Variants in CNTN1 observed in about 807,000 individuals in gnomAD.
CNTN1 encodes contactin-1.
Under a neutral mutation model 126.4 loss-of-function variants are expected in CNTN1, and 38 were observed. The ratio of observed to expected loss-of-function variants is 0.30; its 90% CI spans 0.23 to 0.39. The LOEUF is 0.39. Ranked by LOEUF, CNTN1 falls within the 10% of genes least tolerant of loss-of-function variation. The pLI, the probability that CNTN1 is intolerant of heterozygous loss-of-function variation, is 1.00. For missense variants in CNTN1, 1,009 were observed against 1,248.4 expected (o/e 0.81, Z 2.89); for synonymous variants, 413 against 422.6 (o/e 0.98, Z 0.28).
intron 1 of CNTN1, among the ~76,000 whole-genome samples, chr12:40,727,089 T>C (rs1021468222): frequency 6.7e-6 from 1 of 148,794 alleles, no homozygotes; most frequent in African/African-American, 2.5e-5. Context: ...AAATTTCTAA[T>C]AATAAAAAAG....
chr12:40,780,007 G>A (rs1476799357), intron 1 of CNTN1, among the ~76,000 whole-genome samples: 1 of 151,870 alleles, frequency 6.6e-6, no homozygotes, highest in East Asian at 1.9e-4. Flanking sequence ...TTATAGTGAG[G>A]ATTCCTAAGA....
intron 1 of CNTN1, among the ~76,000 whole-genome samples, chr12:40,902,135 C>T (rs73124589): frequency 6.6e-6 from 1 of 152,246 alleles, no homozygotes; most frequent in East Asian, 1.9e-4. Flanking sequence ...CAGAAAATTT[C>T]ATGTATTCGT....
chr12:40,980,651 T>G (rs1947797482), intron 15 of CNTN1, among the ~76,000 whole-genome samples: 1 of 152,104 alleles, frequency 6.6e-6, no homozygotes, highest in African/African-American at 2.4e-5. Flanking sequence ...GAGTCAGAGA[T>G]TACTATATCT....
chr12:41,048,727 T>G (rs1949603039), intron 23 of CNTN1, among the ~76,000 whole-genome samples: 1 of 135,138 alleles, frequency 7.4e-6, no homozygotes, highest in South Asian at 2.4e-4. Flanking sequence ...AGGAAAAAAA[T>G]GAAGGAAGGA....
intron 1 of CNTN1, among the ~76,000 whole-genome samples, chr12:40,721,115 TCTC>T (rs1288068116): frequency 3.9e-5 from 6 of 152,102 alleles, no homozygotes; most frequent in African/African-American, 1.4e-4. Context: ...TGAATCTCTC[TCTC>T]CTCTTTCGGA....
chr12:41,057,226 ATTATAAATATTTAGATATTAT>A (rs1949845691), intron 23 of CNTN1, among the ~76,000 whole-genome samples: 1 of 145,808 alleles, frequency 6.9e-6, no homozygotes. Flanking sequence ...TATAAATATT[ATTATAAATATTTAGATATTAT>A]TTATAAATAT....
intron 1 of CNTN1, among the ~76,000 whole-genome samples, chr12:40,861,894 C>T (rs1429253483): frequency 6.6e-6 from 1 of 152,012 alleles, no homozygotes; most frequent in Non-Finnish European, 1.5e-5. Flanking sequence ...ATGTCTTAAA[C>T]CTCACAACAT....
intron 17 of CNTN1, 88 bp downstream of exon 17, chr12:40,993,357 G>A: frequency 8.9e-7 from 1 of 1,126,962 alleles, no homozygotes; most frequent in Non-Finnish European, 1.3e-6. Context: ...TGAAAATAAT[G>A]CTCTGAGGTA....
Position 41,022,994 on chromosome 12 carries a change from G to T in CNTN1, c.2524-2156G>T, listed in dbSNP as rs117883153. Among the ~76,000 whole-genome samples the T allele has an allele frequency of 9.5e-3, 1,449 of 152,114 alleles. 14 individuals are homozygous for T. Among genetic ancestry groups the T allele is most frequent in the Non-Finnish European group, 0.016 (1,083 of 67,988 alleles). ...AAAAATCCATATTATTTATTGTTCT[G>T]CAGGAAATGCTCCTGTGACTGTGGC... On this transcript the variant is annotated intron_variant, in intron 20 of 23. Coordinates refer to ENST00000551295, the MANE Select transcript of CNTN1 (RefSeq NM_001843.4).
intron 1 of CNTN1, among the ~76,000 whole-genome samples, chr12:40,734,793 G>A (rs200700127): frequency 0.015 from 2,273 of 152,092 alleles, 22 homozygotes; most frequent in African/African-American, 0.026. Context: ...AGATGAAATT[G>A]CCCATTGTAT....
intron 7 of CNTN1, among the ~76,000 whole-genome samples, chr12:40,932,697 T>C (rs148313765): frequency 2.3e-4 from 35 of 152,030 alleles, no homozygotes; most frequent in African/African-American, 8.4e-4. Context: ...TGCCTCAGAG[T>C]GCTATAGCCC....
chr12:40,767,522 A>T (rs1351295728), intron 1 of CNTN1, among the ~76,000 whole-genome samples: 3 of 151,900 alleles, frequency 2.0e-5, no homozygotes. Flanking sequence ...GTTAGCCAGG[A>T]TGATCTCGAT....
chr12:40,812,889 A>G (rs902126168), intron 1 of CNTN1, among the ~76,000 whole-genome samples: 1 of 146,886 alleles, frequency 6.8e-6, no homozygotes, highest in Non-Finnish European at 1.5e-5. Flanking sequence ...AATTTAATCC[A>G]TTTGCATTCA....
chr12:41,065,794 G>C (rs1259999418), intron 23 of CNTN1, among the ~76,000 whole-genome samples: 1 of 152,200 alleles, frequency 6.6e-6, no homozygotes, highest in Non-Finnish European at 1.5e-5. Flanking sequence ...GCAGCTCTGT[G>C]ATCTTGGTAG....
rs1267866047 is a variant in CNTN1 at position 40,947,776 on chromosome 12, TATATATACACACAC to T, written c.1683+3608_1683+3621del. 2.0e-3 allele frequency among the ~76,000 whole-genome samples: 179 copies of T among 89,638 alleles called. 3 individuals carry two copies. Among genetic ancestry groups the T allele is most frequent in the Admixed American group, 7.5e-3 (59 of 7,880 alleles). 58.8% of individuals were successfully genotyped at this position (89,638 alleles called of 152,430 possible). On this transcript the variant is annotated intron_variant, in intron 14 of 23. Transcript: ENST00000551295. The stretch of plus-strand genomic sequence containing the variant: ...ATTGTCACTATTTCATATATATATA[TATATATACACACAC>T]ACACACACACACACACACACACACA...
chr12:40,933,595 A>C lies in CNTN1; in HGVS notation c.803+35A>C, dbSNP rs773699933. 31 of 1,521,914 alleles carry C rather than the reference A, an allele frequency of 2.0e-5. 1 individual carries two copies. In the South Asian group the frequency reaches 3.5e-4, roughly 17 times the overall value. The allele number at this position is 1,521,914 out of a possible 1,614,324, so 94.3% of individuals were successfully genotyped here. ...CTGACACTTTTATTAATATATATAG[A>C]AATAGTACCATTTTAGGAAATAAAT... On this transcript the variant is annotated intron_variant, in intron 8 of 23. Transcript: ENST00000551295.
At chr12:41,013,834 C>G (rs955147089) in intron 17 of CNTN1, among the ~76,000 whole-genome samples, 7 of 152,134 alleles carry the variant, frequency 4.6e-5, no homozygotes, top group African/African-American at 1.7e-4. Flanking sequence ...TTATCCAATA[C>G]AAATGCATGG....
At chr12:41,044,183 A>T (rs934854595) in intron 23 of CNTN1, among the ~76,000 whole-genome samples, 2 of 151,968 alleles carry the variant, frequency 1.3e-5, no homozygotes. Context: ...AAAATAAAAA[A>T]TTCAGAGAAA....
At chr12:40,887,534 G>C (rs1477155344) in intron 1 of CNTN1, among the ~76,000 whole-genome samples, 1 of 152,030 alleles carries the variant, frequency 6.6e-6, no homozygotes, top group Non-Finnish European at 1.5e-5. Flanking sequence ...GAGAGGATGT[G>C]GAGAAATAGG....
Sources: allele counts gnomAD v4.1 joint callset (sites outside exome capture counted in the v4.1 genomes callset), GRCh38; gene constraint gnomAD v4.1.1; transcripts MANE v1.5; gene names NCBI Gene and HGNC (gene_info 2026-07-23, HGNC 2026-07-21).